Variants in SH3PXD2A observed in about 807,000 individuals in gnomAD.
The protein encoded by SH3PXD2A is SH3 and PX domains 2A.
A neutral mutation model predicts 115.2 loss-of-function variants in SH3PXD2A; 32 were observed. The ratio of observed to expected loss-of-function variants is 0.28; its 90% CI spans 0.21 to 0.37. SH3PXD2A has a LOEUF of 0.37. SH3PXD2A is among the 10% of genes least tolerant of loss of function. The pLI is 1.00. For synonymous variants in SH3PXD2A, 610 were observed against 629.1 expected (o/e 0.97, Z 0.45); for missense variants, 1,328 against 1,498.7 (o/e 0.89, Z 1.88).
At chr10:103,783,627 T>A (rs774652813) in intron 2 of SH3PXD2A, among the ~76,000 whole-genome samples, 2 of 152,290 alleles carry the variant, frequency 1.3e-5, no homozygotes, top group African/African-American at 4.8e-5. Context: ...TCTGAAGGTG[T>A]CAAAGCTGGC....
chr10:103,758,085 A>C (rs1410019227), intron 3 of SH3PXD2A, among the ~76,000 whole-genome samples: 1 of 152,196 alleles, frequency 6.6e-6, no homozygotes, highest in East Asian at 1.9e-4. Context: ...TTGACAGATG[A>C]TGCTACAGAG....
Position 103,599,577 on chromosome 10 carries a change from T to C in SH3PXD2A, c.*2239A>G, listed in dbSNP as rs1187443138. The C allele has an allele frequency of 6.6e-6, 1 of 152,586 alleles. No homozygotes were observed. Among genetic ancestry groups the C allele is most frequent in the Non-Finnish European group, 1.5e-5 (1 of 68,048 alleles). 9.5% of individuals were successfully genotyped at this position (152,586 alleles called of 1,614,324 possible). On this transcript the variant is annotated 3_prime_UTR_variant, in exon 15 of 15. Coordinates refer to ENST00000369774, the MANE Select transcript of SH3PXD2A (RefSeq NM_001394015.1). ...ATTACTTTTTTTCTCTTAATAAATA[T>C]GTGCTGTTTAAAAATGAGAAAAGTA...
rs200036703 is a variant in SH3PXD2A, at chr10:103,602,989, G to C, written c.2229C>G (p.Asn743Lys). The C allele has an allele frequency of 6.2e-6, 10 of 1,614,194 alleles. No individual in the cohort carries two copies. Among genetic ancestry groups the C allele is most frequent in the Non-Finnish European group, 8.5e-6 (10 of 1,180,038 alleles). Reference protein sequence around the residue: ...KVRAKKDADANAGLTSCPRAK... With the variant: ...KVRAKKDADAKAGLTSCPRAK... ...CCCGGGGACAGGAGGTCAGCCCAGCGTTCGCATCAGCATCCTTCTTTGCCC... is the reference window on the plus strand; with the variant it reads ...CCCGGGGACAGGAGGTCAGCCCAGCCTTCGCATCAGCATCCTTCTTTGCCC... The change falls in exon 15 of 15, where the codon AAC becomes AAG. Residue 743 changes from asparagine to lysine, a missense_variant. Asn to Lys is a moderately conservative substitution (Grantham distance 94). Around this residue, in one of 5 missense-constraint regions of SH3PXD2A, gnomAD observed 574 missense variants for 565.7 expected, o/e 1.01. Coordinates refer to ENST00000369774, the MANE Select transcript of SH3PXD2A (RefSeq NM_001394015.1).
chr10:103,825,981 T>A (rs993161376), intron 1 of SH3PXD2A, among the ~76,000 whole-genome samples: 1 of 152,078 alleles, frequency 6.6e-6, no homozygotes, highest in South Asian at 2.1e-4. Flanking sequence ...GCCAGGATGG[T>A]CTCAATCTCC....
At position 103,837,629 on chromosome 10, in the gene SH3PXD2A, G is replaced by A. The variant is rs952620431; in HGVS notation, c.72+17566C>T. On this transcript the variant is annotated intron_variant, in intron 1 of 14. Coordinates refer to ENST00000369774, the MANE Select transcript of SH3PXD2A (RefSeq NM_001394015.1). ...GCTGGGGCACTGCAGGTGAACTCAG[G>A]TGAGCCCAGGGGACGTGGGGCAGGC... 5.3e-4 allele frequency among the ~76,000 whole-genome samples: 80 copies of A among 152,184 alleles called. 3 individuals carry two copies. The highest frequency in any genetic ancestry group is 1.3e-4 in the Admixed American group (2 of 15,284).
intron 14 of SH3PXD2A, among the ~76,000 whole-genome samples, chr10:103,604,846 C>T (rs2036276491): frequency 6.6e-6 from 1 of 152,186 alleles, no homozygotes; most frequent in African/African-American, 2.4e-5. Context: ...TCCTGGAAAC[C>T]TCAGTACAGA....
At chr10:103,743,322 C>T (rs972626876) in intron 3 of SH3PXD2A, among the ~76,000 whole-genome samples, 7 of 152,092 alleles carry the variant, frequency 4.6e-5, no homozygotes, top group Non-Finnish European at 1.0e-4. Flanking sequence ...AGGCTGTTAC[C>T]AACCCCCAAC....
At chr10:103,810,853 C>G (rs12773401) in intron 1 of SH3PXD2A, among the ~76,000 whole-genome samples, 2 of 123,882 alleles carry the variant, frequency 1.6e-5, no homozygotes, top group Admixed American at 8.7e-5. Flanking sequence ...CACACACAGA[C>G]ACACACATAC....
In SH3PXD2A at chr10:103,602,067, T is replaced by C; in HGVS notation, c.3151A>G (p.Asn1051Asp). ...CGCACAGGGGACACGGGTATGCTGT[T>C]GCGCTGGGCGGGCAGTAGGGGTGAG... ...SDSPLLPAQR[N>D]SIPVSPVRPK... is the part of the protein sequence containing the mutation. Residue 1051 changes from asparagine to aspartate, a missense_variant, in exon 15 of 15, where the codon AAC (asparagine) becomes GAC (aspartate). Asn to Asp is a conservative substitution (Grantham distance 23). Around this residue, in one of 5 missense-constraint regions of SH3PXD2A, gnomAD observed 574 missense variants for 565.7 expected, o/e 1.01. Transcript: ENST00000369774. 6.2e-7 allele frequency: 1 copy of C among 1,603,180 alleles called. No individual in the cohort carries two copies. Among genetic ancestry groups the C allele is most frequent in the Non-Finnish European group, 8.5e-7 (1 of 1,173,334 alleles).
At chr10:103,626,219 A>G (rs977600730) in intron 9 of SH3PXD2A, among the ~76,000 whole-genome samples, 4 of 152,272 alleles carry the variant, frequency 2.6e-5, no homozygotes, top group African/African-American at 9.6e-5. Context: ...AGTAACCGAC[A>G]TTTAGGGGAA....
chr10:103,644,233 T>C (rs1267580858), intron 8 of SH3PXD2A, among the ~76,000 whole-genome samples: 1 of 151,198 alleles, frequency 6.6e-6, no homozygotes, highest in Non-Finnish European at 1.5e-5. Flanking sequence ...CAAAGCCACC[T>C]GCCCTACTTA....
intron 3 of SH3PXD2A, among the ~76,000 whole-genome samples, chr10:103,747,991 T>C (rs1240951462): frequency 6.6e-6 from 1 of 151,956 alleles, no homozygotes; most frequent in Admixed American, 6.5e-5. Flanking sequence ...TTGGCAAAAC[T>C]GAGCCCAGAC....
At chr10:103,745,685 A>C (rs963758502) in intron 3 of SH3PXD2A, among the ~76,000 whole-genome samples, 5 of 152,140 alleles carry the variant, frequency 3.3e-5, no homozygotes, top group Admixed American at 6.5e-5. Flanking sequence ...AGCATTTCCC[A>C]GGCACCCAGT....
At chr10:103,841,993 C>T (rs370261065) in intron 1 of SH3PXD2A, among the ~76,000 whole-genome samples, 2 of 152,038 alleles carry the variant, frequency 1.3e-5, no homozygotes, top group South Asian at 2.1e-4. Flanking sequence ...GGTGTGGTGG[C>T]GGGTGCCTGT....
intron 6 of SH3PXD2A, among the ~76,000 whole-genome samples, chr10:103,685,338 A>C (rs2037663786): frequency 2.2e-5 from 1 of 46,222 alleles, no homozygotes; most frequent in Non-Finnish European, 4.5e-5. Flanking sequence ...ACTCTGTCTC[A>C]AAAAAAAAAA....
rs373020614 is a variant in SH3PXD2A at position 103,603,541 on chromosome 10, G to C, written c.1677C>G (p.Asp559Glu). 5.0e-6 allele frequency: 8 copies of C among 1,612,790 alleles called. No individual in the cohort carries two copies. The highest frequency in any genetic ancestry group is 6.8e-6 in the Non-Finnish European group (8 of 1,179,348). ...RKLKYEEPEY[D>E]IPAFGFDSEP... ...CTGAGTCAAAGCCGAATGCAGGGAT[G>C]TCATACTCAGGCTCCTCATACTTGA... Residue 559 changes from aspartate (D) to glutamate (E), a missense_variant, in exon 15 of 15, where the codon GAC becomes GAG. Physicochemically the swap from Asp to Glu is conservative, Grantham distance 45. This residue lies in a region of SH3PXD2A where 509 missense variants were observed against 628.3 expected (regional missense o/e 0.81). Coordinates refer to ENST00000369774, the MANE Select transcript of SH3PXD2A (RefSeq NM_001394015.1).
At chr10:103,825,182 T>C (rs2039417996) in intron 1 of SH3PXD2A, among the ~76,000 whole-genome samples, 1 of 152,210 alleles carries the variant, frequency 6.6e-6, no homozygotes. Flanking sequence ...GAGGCATTTA[T>C]ACTGCTGGCT....
chr10:103,658,639 G>A lies in SH3PXD2A; in HGVS notation c.604+2344C>T, dbSNP rs1277718765. Among the ~76,000 whole-genome samples the A allele has an allele frequency of 1.3e-5, 2 of 152,184 alleles. 1 individual carries two copies. The highest frequency in any genetic ancestry group is 2.9e-5 in the Non-Finnish European group (2 of 68,034). On this transcript the variant is annotated intron_variant, in intron 8 of 14. Transcript: ENST00000369774. ...GATAGCAACAGACGGGTTTGAATAG[G>A]TAGGCACAGCACTGCAGGTCCTGTG... is the stretch of plus-strand genomic sequence containing the variant.
chr10:103,611,532 G>A (rs553008168), intron 13 of SH3PXD2A, 49 bp downstream of exon 13: 34 of 1,514,656 alleles, frequency 2.2e-5, no homozygotes, highest in African/African-American at 9.6e-5. Flanking sequence ...TGGCTATAGC[G>A]CATTCACAGA....
Sources: gnomAD v4.1 joint callset for allele counts (sites outside exome capture counted in the v4.1 genomes callset) on GRCh38, gnomAD v4.1.1 for gene constraint, gnomAD v4.1.1 regional missense constraint, MANE v1.5 for transcripts, NCBI Gene and HGNC (gene_info 2026-07-23, HGNC 2026-07-21) for gene names.